CIDEB: variants seen among roughly 807,000 people sequenced by gnomAD.
The protein encoded by CIDEB is lipid transferase CIDEB.
CIDEB carries 27 observed loss-of-function variants against 22.4 expected under a neutral mutation model. The ratio of observed to expected loss-of-function variants is 1.21; its 90% CI spans 0.89 to 1.66. The LOEUF is 1.66. Ranked by LOEUF, CIDEB falls within the 40% of genes most tolerant of loss-of-function variation. The pLI is 0.00. For synonymous variants in CIDEB, 103 were observed against 109.5 expected, an observed-to-expected ratio of 0.94 and a Z score of 0.37; for missense variants, 289 against 268.7, an observed-to-expected ratio of 1.08 and a Z score of -0.53.
At chr14:24,306,651 T>C in intron 2 of CIDEB, 128 bp from the exon 3 acceptor site, 2 of 1,157,594 alleles carry the variant, frequency 1.7e-6, no homozygotes, top group Non-Finnish European at 2.5e-6. Flanking sequence ...GGCACTTTGA[T>C]ACCTCCTAAA....
rs764386993 is a variant in CIDEB at position 24,306,533 on chromosome 14, GGCAAGAA to G, written c.187-17_187-11del. The G allele has an allele frequency of 5.6e-6, 9 of 1,614,222 alleles. No homozygotes were observed. The Admixed American group carries it at 8.3e-5, about 15-fold the overall frequency. On this transcript the variant is annotated splice_polypyrimidine_tract_variant and intron_variant, in intron 2 of 4. Coordinates refer to ENST00000554411, the MANE Select transcript of CIDEB (RefSeq NM_001393339.1). ...GTAGGGTCTCCAATGCCTGCCCAAT[GGCAAGAA>G]GCAAGAAGGGCAGGTCTTATCCCAT...
chr14:24,306,250 C>T (rs2041503245), intron 3 of CIDEB, 113 bp from the exon 4 acceptor site: 2 of 1,524,402 alleles, frequency 1.3e-6, no homozygotes, highest in Non-Finnish European at 1.8e-6. Flanking sequence ...CACTGTGTGA[C>T]ATCCTTGACA....
chr14:24,306,249 A>G, intron 3 of CIDEB, 112 bp from the exon 4 acceptor site: 2 of 1,521,026 alleles, frequency 1.3e-6, no homozygotes, highest in Non-Finnish European at 1.8e-6. Context: ...CCACTGTGTG[A>G]CATCCTTGAC....
upstream of CIDEB, chr14:24,311,090 GCT>G: frequency 6.4e-7 from 1 of 1,563,022 alleles, no homozygotes; most frequent in South Asian, 1.2e-5. Context: ...GCCGCCTGCT[GCT>G]GGCGGTCTGG....
At chr14:24,310,735 C>T (rs1434105473), upstream of CIDEB, 5 of 1,612,210 alleles carry the variant, frequency 3.1e-6, no homozygotes, top group African/African-American at 1.3e-5. Flanking sequence ...GCCACAGGCA[C>T]AGCCTTCCTG....
chr14:24,311,114 G>A, upstream of CIDEB: 1 of 1,575,770 alleles, frequency 6.3e-7, no homozygotes, highest in Non-Finnish European at 8.6e-7. Context: ...TGGCCGCCCT[G>A]TTGCTCGCCG....
At position 24,307,806 on chromosome 14, in the gene CIDEB, G is replaced by T. The variant is rs768905516; in HGVS notation, c.41+12C>A. 7.0e-5 allele frequency: 112 copies of T among 1,591,386 alleles called. No individual in the cohort carries two copies. Among genetic ancestry groups the T allele is most frequent in the Non-Finnish European group, 9.5e-5 (111 of 1,168,248 alleles). The stretch of plus-strand genomic sequence containing the variant: ...CTAAAGGTGGAGGGTAGAGCGGAGG[G>T]TTAGCAGTCACCTGAGTAAGTCACT... On this transcript the variant is annotated intron_variant, in intron 1 of 4. Coordinates refer to ENST00000554411, the MANE Select transcript of CIDEB (RefSeq NM_001393339.1).
intron 3 of CIDEB, 87 bp from the exon 4 acceptor site, chr14:24,306,224 G>A (rs957578005): frequency 3.3e-6 from 5 of 1,525,458 alleles, no homozygotes; most frequent in Admixed American, 1.7e-5. Flanking sequence ...ACCCTCCCTC[G>A]CTTGGACTTT....
rs1033930856 is a variant in CIDEB at position 24,305,272 on chromosome 14, CAGAG to C, written c.*357_*360del. 3.5e-5 allele frequency: 24 copies of C among 677,700 alleles called. No individual in the cohort carries two copies. The African/African-American group carries it at 4.3e-4, about 12-fold the overall frequency. 42.0% of individuals were successfully genotyped at this position (677,700 alleles called of 1,614,324 possible). On this transcript the variant is annotated 3_prime_UTR_variant, in exon 5 of 5. Coordinates refer to ENST00000554411, the MANE Select transcript of CIDEB (RefSeq NM_001393339.1). Reference sequence around the variant, plus strand: ...ATGAAGACAGATCTCAAGGTAAAGTCAGAGAGGGCTGTCATCAGTATGCTGGGGA... The same window carrying C: ...ATGAAGACAGATCTCAAGGTAAAGTCAGGGCTGTCATCAGTATGCTGGGGA...
chr14:24,308,704 C>T (rs939375485), upstream of CIDEB: 12 of 152,226 alleles, frequency 7.9e-5, no homozygotes, highest in South Asian at 4.1e-4. Flanking sequence ...CAGTTGCAGC[C>T]GTGATGGACA....
chr14:24,306,554 G>A (rs758593534), intron 2 of CIDEB, 31 bp from the exon 3 acceptor site: 1 of 1,614,046 alleles, frequency 6.2e-7, no homozygotes, highest in South Asian at 1.1e-5. Context: ...AGAAGGGCAG[G>A]TCTTATCCCA....
upstream of CIDEB, chr14:24,311,004 C>G: frequency 6.3e-7 from 1 of 1,586,918 alleles, no homozygotes; most frequent in East Asian, 2.3e-5. Context: ...GCTCACCGGC[C>G]TGCTCAGCCT....
Position 24,305,572 on chromosome 14 carries a change from C to G in CIDEB, c.*61G>C. 6.4e-7 allele frequency: 1 copy of G among 1,552,286 alleles called. No homozygotes were observed. Among genetic ancestry groups the G allele is most frequent in the Non-Finnish European group, 8.7e-7 (1 of 1,151,112 alleles). ...TGTCTGCAGGTCCTGAAATTTGATGCTGTCATAGTCTTTGCAGTGGGTCGG... is the reference window on the plus strand; with the variant it reads ...TGTCTGCAGGTCCTGAAATTTGATGGTGTCATAGTCTTTGCAGTGGGTCGG... On this transcript the variant is annotated 3_prime_UTR_variant, in exon 5 of 5. Coordinates refer to ENST00000554411, the MANE Select transcript of CIDEB (RefSeq NM_001393339.1).
At chr14:24,307,781 C>T (rs779343998) in intron 1 of CIDEB, 37 bp downstream of exon 1, 1 of 1,573,544 alleles carries the variant, frequency 6.4e-7, no homozygotes, top group Non-Finnish European at 8.6e-7. Flanking sequence ...CCTATATCCC[C>T]TAAAGGTGGA....
rs1349117997 is a variant in CIDEB at position 24,307,842 on chromosome 14, G to A, written c.17C>T (p.Ala6Val). 7 of 1,595,308 alleles carry A rather than the reference G, an allele frequency of 4.4e-6. No homozygotes were observed. The highest frequency in any genetic ancestry group is 5.1e-6 in the Non-Finnish European group (6 of 1,170,538). The stretch of plus-strand genomic sequence containing the variant: ...CCTGAGTAAGTCACTGGGGTTCAGA[G>A]CTGAGAGGTACTCCATGGTGGACCG... MEYLS[A>V]LNPSDLLRSV... is the part of the protein sequence containing the mutation. Residue 6 changes from alanine (A) to valine (V), a missense_variant, in exon 1 of 5, where the codon GCT (alanine) becomes GTT (valine). Ala to Val is a moderately conservative substitution (Grantham distance 64). Coordinates refer to ENST00000554411, the MANE Select transcript of CIDEB (RefSeq NM_001393339.1).
At position 24,306,470 on chromosome 14, in the gene CIDEB, A is replaced by C; in HGVS notation, c.240T>G (p.Asp80Glu). ...AGTCCTCACTGTCCACTGCAGTTCC[A>C]TCCTCCTCTAGCACCAGGGTTAGCA... The part of the protein sequence containing the change: ...NGVLTLVLEE[D>E]GTAVDSEDFF... Residue 80 changes from aspartate to glutamate, a missense_variant, in exon 3 of 5, where the codon GAT (aspartate) becomes GAG (glutamate). Physicochemically the swap from Asp to Glu is conservative, Grantham distance 45. Coordinates refer to ENST00000554411, the MANE Select transcript of CIDEB (RefSeq NM_001393339.1). 6.2e-7 allele frequency: 1 copy of C among 1,614,190 alleles called. No individual in the cohort carries two copies. The highest frequency in any genetic ancestry group is 8.5e-7 in the Non-Finnish European group (1 of 1,180,024).
chr14:24,308,003 C>G (rs1268102974), upstream of CIDEB: 1 of 744,306 alleles, frequency 1.3e-6, no homozygotes, highest in East Asian at 2.7e-5. Flanking sequence ...TCTGGCCCCC[C>G]TGCCTGGCCA....
At chr14:24,307,230 G>T in intron 2 of CIDEB, 141 bp downstream of exon 2, 1 of 878,378 alleles carries the variant, frequency 1.1e-6, no homozygotes, top group Non-Finnish European at 1.8e-6. Flanking sequence ...GAGCTCATTA[G>T]GCCCACTCCG....
rs1237066223 is a variant in CIDEB at position 24,306,126 on chromosome 14, C to T, written c.348G>A (p.Leu116=). Residue 116 remains leucine (L), a synonymous_variant, in exon 4 of 5, where the codon CTG becomes CTA. Transcript: ENST00000554411. ...GCCTCTCCCGTCCCAGGCCATATGA[C>T]AGCACTCCACTCTGTAGGACACCCT... ...QSWSPTRSGV[L]SYGLGRERPK... 4 of 1,613,614 alleles carry T rather than the reference C, an allele frequency of 2.5e-6. No individual in the cohort carries two copies. The highest frequency in any genetic ancestry group is 3.4e-6 in the Non-Finnish European group (4 of 1,179,758).
Sources: gnomAD v4.1 joint callset for allele counts on GRCh38, gnomAD v4.1.1 for gene constraint, MANE v1.5 for transcripts, NCBI Gene and HGNC (gene_info 2026-07-23, HGNC 2026-07-21) for gene names.